Variants in CSGALNACT1 observed in about 807,000 individuals in gnomAD.
CSGALNACT1 encodes the protein beta4GalNAcT-1.
A neutral mutation model predicts 51.0 loss-of-function variants in CSGALNACT1; 52 were observed. That is an observed-to-expected ratio of 1.02 (90% CI 0.82 to 1.29). The LOEUF is 1.29. Among genes scored for constraint, CSGALNACT1 ranks in the 50% most tolerant of loss-of-function variants. CSGALNACT1 has a pLI of 0.00. For missense variants in CSGALNACT1, 935 were observed against 679.2 expected (o/e 1.38, Z -4.19); for synonymous variants, 341 against 254.4 (o/e 1.34, Z -3.24).
intron 1 of CSGALNACT1, among the ~76,000 whole-genome samples, chr8:19,616,267 A>G (rs893191963): frequency 6.6e-6 from 1 of 152,178 alleles, no homozygotes; most frequent in Non-Finnish European, 1.5e-5. Flanking sequence ...ACTTGTTGCT[A>G]TTTTTAAATA....
intron 3 of CSGALNACT1, among the ~76,000 whole-genome samples, chr8:19,543,974 G>C (rs2085876675): frequency 6.6e-6 from 1 of 152,170 alleles, no homozygotes; most frequent in African/African-American, 2.4e-5. Flanking sequence ...GATCAGCTTA[G>C]AGTTTTAGGA....
intron 1 of CSGALNACT1, among the ~76,000 whole-genome samples, chr8:19,702,458 G>A (rs1239523975): frequency 6.6e-6 from 1 of 152,078 alleles, no homozygotes; most frequent in Non-Finnish European, 1.5e-5. Context: ...GCTGCAGTGA[G>A]CTATAATCAC....
chr8:19,652,997 A>G (rs1468154529), intron 1 of CSGALNACT1, among the ~76,000 whole-genome samples: 2 of 152,128 alleles, frequency 1.3e-5, no homozygotes, highest in Non-Finnish European at 2.9e-5. Flanking sequence ...CTCTTTATAT[A>G]TAACTACTTA....
exon 10 of CSGALNACT1, chr8:19,405,257 TTTC>T (rs2153656237): frequency 2.2e-6 from 1 of 453,504 alleles, no homozygotes; most frequent in Non-Finnish European, 4.4e-6. Context: ...ATATTTATGG[TTTC>T]TTTTCTTTTC....
chr8:19,755,821 T>G (rs2065337139), intron 1 of CSGALNACT1, among the ~76,000 whole-genome samples: 1 of 152,194 alleles, frequency 6.6e-6, no homozygotes, highest in South Asian at 2.1e-4. Context: ...ATGAACAGGA[T>G]TAAAGTATTT....
intron 4 of CSGALNACT1, among the ~76,000 whole-genome samples, chr8:19,460,966 C>T (rs2065229337): frequency 6.6e-6 from 1 of 152,128 alleles, no homozygotes; most frequent in South Asian, 2.1e-4. Flanking sequence ...GCTGTCCTCA[C>T]AGCCCCACCT....
intron 1 of CSGALNACT1, among the ~76,000 whole-genome samples, chr8:19,609,931 A>C (rs2051965928): frequency 6.6e-6 from 1 of 152,052 alleles, no homozygotes; most frequent in South Asian, 2.1e-4. Flanking sequence ...TTTAAATAAC[A>C]TGGAAGAGGC....
chr8:19,408,617 A>C, exon 9 of CSGALNACT1: 1 of 1,613,320 alleles, frequency 6.2e-7, no homozygotes, highest in East Asian at 2.2e-5. Context: ...TCCTACCTAT[A>C]TTGATGAAGT....
chr8:19,513,437 T>TCTCTATATATATATATAC (rs1491147909), intron 3 of CSGALNACT1, among the ~76,000 whole-genome samples: 3 of 32,070 alleles, frequency 9.4e-5, no homozygotes, highest in African/African-American at 3.6e-4. Context: ...TCTCTCTCTC[T>TCTCTATATATATATATAC]ATATATATAT....
chr8:19,513,414 C>CTCTCTCTCTCTCT, intron 3 of CSGALNACT1, among the ~76,000 whole-genome samples: 1 of 49,636 alleles, frequency 2.0e-5, no homozygotes, highest in African/African-American at 6.2e-5. Flanking sequence ...TTCTCTCTCT[C>CTCTCTCTCTCTCT]ACTCTCTCTC....
chr8:19,434,097 C>CA (rs1224838087), intron 6 of CSGALNACT1, among the ~76,000 whole-genome samples: 1 of 152,162 alleles, frequency 6.6e-6, no homozygotes, highest in Non-Finnish European at 1.5e-5. Flanking sequence ...CAGATTGTTG[C>CA]AAACTTTGGT....
At chr8:19,453,200 G>C (rs1383731302) in intron 5 of CSGALNACT1, among the ~76,000 whole-genome samples, 1 of 152,096 alleles carries the variant, frequency 6.6e-6, no homozygotes, top group Non-Finnish European at 1.5e-5. Context: ...AAATTTCTTA[G>C]ACATGTTTCA....
At chr8:19,643,885 C>T (rs1170973117) in intron 1 of CSGALNACT1, among the ~76,000 whole-genome samples, 1 of 152,114 alleles carries the variant, frequency 6.6e-6, no homozygotes, top group East Asian at 1.9e-4. Flanking sequence ...AGTAATTTGG[C>T]AAGTATGAAG....
At chr8:19,674,196 G>C (rs1040381199) in intron 1 of CSGALNACT1, among the ~76,000 whole-genome samples, 1 of 152,208 alleles carries the variant, frequency 6.6e-6, no homozygotes, top group Admixed American at 6.5e-5. Context: ...AGGAGGCTGA[G>C]GCAGGAGAAT....
At chr8:19,435,406 T>A (rs911445099) in intron 6 of CSGALNACT1, among the ~76,000 whole-genome samples, 1 of 151,952 alleles carries the variant, frequency 6.6e-6, no homozygotes, top group East Asian at 1.9e-4. Context: ...GGCAGGAGAA[T>A]TGCTTGAACC....
At chr8:19,663,450 G>A (rs1361221650) in intron 1 of CSGALNACT1, among the ~76,000 whole-genome samples, 1 of 152,200 alleles carries the variant, frequency 6.6e-6, no homozygotes, top group Non-Finnish European at 1.5e-5. Flanking sequence ...GTTTAAAGCA[G>A]TCAATGACTA....
At chr8:19,633,220 C>G (rs1437975126) in intron 1 of CSGALNACT1, among the ~76,000 whole-genome samples, 1 of 152,106 alleles carries the variant, frequency 6.6e-6, no homozygotes, top group Non-Finnish European at 1.5e-5. Flanking sequence ...GTCGGTGAAT[C>G]TTTATCATTG....
chr8:19,663,301 T>C (rs1156553269), intron 1 of CSGALNACT1, among the ~76,000 whole-genome samples: 7 of 152,160 alleles, frequency 4.6e-5, no homozygotes. Flanking sequence ...CTCCCCTTCC[T>C]ACGATGGTTG....
chr8:19,599,472 A>AAAAGAAAGAG (rs1554751250), intron 2 of CSGALNACT1, among the ~76,000 whole-genome samples: 4 of 113,736 alleles, frequency 3.5e-5, no homozygotes, highest in African/African-American at 1.4e-4. Flanking sequence ...GAAAGAAAGA[A>AAAAGAAAGAG]AAAGAAAGAA....
Sources: allele counts gnomAD v4.1 joint callset (sites outside exome capture counted in the v4.1 genomes callset), GRCh38; gene constraint gnomAD v4.1.1; transcripts MANE v1.5; gene names NCBI Gene and HGNC (gene_info 2026-07-23, HGNC 2026-07-21).